CAPN5: variants seen among roughly 807,000 people sequenced by gnomAD.
CAPN5 encodes calpain 5, also known as calpain-5.
CAPN5 carries 54 observed loss-of-function variants against 73.0 expected under a neutral mutation model. The observed-to-expected ratio is 0.74, with a 90% CI of 0.59 to 0.93. The LOEUF (loss-of-function observed/expected upper bound fraction) is 0.93. CAPN5 is among the 40% of genes least tolerant of loss of function. CAPN5 has a pLI of 0.00. For missense variants in CAPN5, 785 were observed against 882.9 expected (o/e 0.89, Z 1.41); for synonymous variants, 335 against 356.9 (o/e 0.94, Z 0.69).
At chr11:77,103,230 G>C (rs1369204095) in intron 3 of CAPN5, 1 of 1,613,538 alleles carries the variant, frequency 6.2e-7, no homozygotes. Flanking sequence ...GCGCCTGTCG[G>C]ACCTGGCCAA....
chr11:77,116,107 G>A (rs552526578), intron 6 of CAPN5, 119 bp from the exon 7 acceptor site: 13 of 877,902 alleles, frequency 1.5e-5, no homozygotes, highest in African/African-American at 8.2e-5. Flanking sequence ...TGGCCACACC[G>A]TGCCGCTGGA....
At chr11:77,098,085 T>A (rs1555037865) in intron 3 of CAPN5, among the ~76,000 whole-genome samples, 1 of 86,600 alleles carries the variant, frequency 1.2e-5, no homozygotes, top group Admixed American at 9.7e-5. Flanking sequence ...ACGGGGCGGC[T>A]GGCCGGGCGG....
chr11:77,095,684 C>T (rs1273551022), intron 3 of CAPN5, among the ~76,000 whole-genome samples: 5 of 152,216 alleles, frequency 3.3e-5, no homozygotes, highest in Non-Finnish European at 7.4e-5. Context: ...ATCTGTCTGG[C>T]CGTTTGTAGG....
rs1555042862 is a variant in CAPN5 at position 77,121,929 on chromosome 11, A to G, written c.1488-5A>G. The G allele has an allele frequency of 6.6e-7, 1 of 1,526,058 alleles. No individual in the cohort carries two copies. The highest frequency in any genetic ancestry group is 2.1e-5 in the Admixed American group (1 of 48,226). 94.5% of individuals were successfully genotyped at this position (1,526,058 alleles called of 1,614,324 possible). A position where few individuals can be genotyped will look rare whatever the true frequency, so the allele number is the denominator to read the frequency against. On this transcript the variant is annotated splice_polypyrimidine_tract_variant and splice_region_variant and intron_variant, in intron 10 of 12. Coordinates refer to ENST00000648180, the MANE Select transcript of CAPN5 (RefSeq NM_004055.5). ...ACTCCCCTCTCCCCTGCCGCCCCATATCAGGGAGCTGCGCCTGGATGAGCC... is the reference window on the plus strand; with the variant it reads ...ACTCCCCTCTCCCCTGCCGCCCCATGTCAGGGAGCTGCGCCTGGATGAGCC...
intron 1 of CAPN5, among the ~76,000 whole-genome samples, chr11:77,079,223 G>T (rs1395944886): frequency 6.6e-6 from 1 of 151,814 alleles, no homozygotes; most frequent in Non-Finnish European, 1.5e-5. Context: ...TGAGTAGCTG[G>T]GACTACAGGC....
intron 1 of CAPN5, among the ~76,000 whole-genome samples, chr11:77,077,747 T>C (rs2135413116): frequency 6.6e-6 from 1 of 152,284 alleles, no homozygotes; most frequent in South Asian, 2.1e-4. Flanking sequence ...ACTCCTGACC[T>C]TAGGTGATCC....
chr11:77,101,870 C>A (rs782757694), intron 3 of CAPN5, among the ~76,000 whole-genome samples: 1 of 152,232 alleles, frequency 6.6e-6, no homozygotes, highest in Non-Finnish European at 1.5e-5. Context: ...TTGCCAGATT[C>A]TTCCTCGGCC....
intron 1 of CAPN5, among the ~76,000 whole-genome samples, chr11:77,076,001 G>A (rs1318432141): frequency 2.6e-5 from 4 of 152,098 alleles, no homozygotes; most frequent in Non-Finnish European, 5.9e-5. Flanking sequence ...ATACATTGTG[G>A]AATGGCTAAA....
intron 3 of CAPN5, among the ~76,000 whole-genome samples, chr11:77,101,890 A>G (rs1371899505): frequency 6.6e-6 from 1 of 152,180 alleles, no homozygotes; most frequent in Non-Finnish European, 1.5e-5. Context: ...CCCTGGGGGA[A>G]ACTGAGGATT....
chr11:77,102,990 T>C (rs1555039170), intron 3 of CAPN5: 2 of 1,613,168 alleles, frequency 1.2e-6, no homozygotes, highest in South Asian at 1.1e-5. Context: ...GCCAGCGGAG[T>C]CTGTGTACCG....
chr11:77,108,331 G>C (rs182363719), intron 3 of CAPN5, among the ~76,000 whole-genome samples: 1 of 152,292 alleles, frequency 6.6e-6, no homozygotes, highest in African/African-American at 2.4e-5. Context: ...TGTTGGGGGG[G>C]TGCTCAGCAG....
intron 1 of CAPN5, among the ~76,000 whole-genome samples, chr11:77,068,570 G>A (rs1315796363): frequency 6.6e-6 from 1 of 152,202 alleles, no homozygotes; most frequent in African/African-American, 2.4e-5. Flanking sequence ...TGGTGGGGTG[G>A]ATTGCGGATT....
chr11:77,119,137 C>T lies in CAPN5; in HGVS notation c.1275C>T (p.Gly425=). 1 of 1,612,274 alleles carries T rather than the reference C, an allele frequency of 6.2e-7. No individual in the cohort carries two copies. The highest frequency in any genetic ancestry group is 2.2e-5 in the East Asian group (1 of 44,826). The change falls in exon 9 of 13, where the codon GGC becomes GGT. Residue 425 remains glycine, a synonymous_variant. Coordinates refer to ENST00000648180, the MANE Select transcript of CAPN5 (RefSeq NM_004055.5). ...GCAAGGGTGAGAACCTGGCCATTGG[C>T]TTTGACATCTACAAGGTGAGGCCAG... ...REGKGENLAI[G]FDIYKVEENR...
At chr11:77,095,086 G>A (rs1950193821) in intron 3 of CAPN5, among the ~76,000 whole-genome samples, 2 of 152,214 alleles carry the variant, frequency 1.3e-5, no homozygotes, top group African/African-American at 4.8e-5. Context: ...GCTGCCTGCT[G>A]TAGGGCCCCT....
chr11:77,073,052 AAT>A (rs1555033356), intron 1 of CAPN5: 1 of 1,288,138 alleles, frequency 7.8e-7, no homozygotes, highest in East Asian at 5.6e-5. Context: ...GGTGAGAGAG[AAT>A]GTCCTGCACA....
intron 1 of CAPN5, among the ~76,000 whole-genome samples, chr11:77,072,419 G>C (rs1196642562): frequency 4.6e-5 from 7 of 152,226 alleles, no homozygotes; most frequent in African/African-American, 1.7e-4. Flanking sequence ...CTCTAGGGCA[G>C]ATTCCCATCT....
chr11:77,089,343 CTCT>C (rs1950125132), intron 2 of CAPN5, among the ~76,000 whole-genome samples: 1 of 152,266 alleles, frequency 6.6e-6, no homozygotes, highest in Non-Finnish European at 1.5e-5. Context: ...AGGCAGCCTC[CTCT>C]GTTTTCTCTC....
chr11:77,123,609 C>T lies in CAPN5; in HGVS notation c.1741-79C>T. ...CTTGCACTTCAAGGCCCTGCCACCA[C>T]CACCAGCACCCCCCATAGACCTATA... On this transcript the variant is annotated intron_variant, in intron 12 of 12. Transcript: ENST00000648180. 6.4e-6 allele frequency: 8 copies of T among 1,249,168 alleles called. No individual in the cohort carries two copies. The South Asian group carries it at 1.1e-4, about 17-fold the overall frequency. 77.4% of individuals were successfully genotyped at this position (1,249,168 alleles called of 1,614,324 possible).
At chr11:77,073,350 A>C (rs1474223760) in intron 1 of CAPN5, among the ~76,000 whole-genome samples, 1 of 152,186 alleles carries the variant, frequency 6.6e-6, no homozygotes, top group Non-Finnish European at 1.5e-5. Context: ...ACACCCTTTC[A>C]GAAGCTCCTC....
Sources: gnomAD v4.1 joint callset for allele counts (sites outside exome capture counted in the v4.1 genomes callset) on GRCh38, gnomAD v4.1.1 for gene constraint, MANE v1.5 for transcripts, NCBI Gene and HGNC (gene_info 2026-07-23, HGNC 2026-07-21) for gene names.